The following PCDH9 variants were observed in gnomAD, a reference collection of about 807,000 sequenced individuals.
PCDH9 encodes the protein protocadherin 9.
A neutral mutation model predicts 70.6 loss-of-function variants in PCDH9; 24 were observed. The ratio of observed to expected loss-of-function variants is 0.34; its 90% confidence interval spans 0.25 to 0.48. The LOEUF (loss-of-function observed/expected upper bound fraction) is 0.48, where lower values mean the gene tolerates loss of function less well. PCDH9 is among the 20% of genes least tolerant of loss of function. PCDH9 has a pLI of 0.99. For synonymous variants in PCDH9, 562 were observed against 558.5 expected, an observed-to-expected ratio of 1.01 and a Z score of -0.09; for missense variants, 1,281 against 1,503.6, an observed-to-expected ratio of 0.85 and a Z score of 2.45.
At chr13:66,932,025 T>C (rs2082819579) in intron 2 of PCDH9, among the ~76,000 whole-genome samples, 1 of 152,082 alleles carries the variant, frequency 6.6e-6, no homozygotes, top group African/African-American at 2.4e-5. Flanking sequence ...ATGAAGTATA[T>C]GGTAGATTAG....
intron 3 of PCDH9, among the ~76,000 whole-genome samples, chr13:66,670,415 A>T (rs1019480168): frequency 7.2e-5 from 11 of 152,314 alleles, no homozygotes; most frequent in African/African-American, 2.6e-4. Flanking sequence ...ATGATGAAAG[A>T]ACGAAAGAAT....
At chr13:66,417,445 G>A (rs1957480164) in intron 4 of PCDH9, among the ~76,000 whole-genome samples, 3 of 152,060 alleles carry the variant, frequency 2.0e-5, no homozygotes, top group South Asian at 4.1e-4. Flanking sequence ...GATTTGGGTT[G>A]GCTCCAAGTC....
At chr13:66,494,046 G>A (rs1566368662) in intron 4 of PCDH9, among the ~76,000 whole-genome samples, 1 of 152,012 alleles carries the variant, frequency 6.6e-6, no homozygotes, top group South Asian at 2.1e-4. Flanking sequence ...ATAACTTTAT[G>A]TTAATTTATC....
chr13:66,659,875 A>G (rs1376580557), intron 3 of PCDH9, among the ~76,000 whole-genome samples: 1 of 152,172 alleles, frequency 6.6e-6, no homozygotes, highest in Non-Finnish European at 1.5e-5. Flanking sequence ...CTAGTGAAGT[A>G]TAACAAGTTA....
At chr13:66,729,929 A>T (rs1406261280) in intron 3 of PCDH9, among the ~76,000 whole-genome samples, 2 of 152,162 alleles carry the variant, frequency 1.3e-5, no homozygotes, top group Non-Finnish European at 1.5e-5. Flanking sequence ...AGAGCAGAAA[A>T]CCTGACATCT....
chr13:67,185,578 A>G (rs1302747546), intron 2 of PCDH9, among the ~76,000 whole-genome samples: 2 of 152,234 alleles, frequency 1.3e-5, no homozygotes, highest in African/African-American at 2.4e-5. Flanking sequence ...TATGATCCAG[A>G]AATAAGTTAA....
chr13:66,775,113 A>G (rs1022319860), intron 3 of PCDH9, among the ~76,000 whole-genome samples: 41 of 152,228 alleles, frequency 2.7e-4, no homozygotes, highest in African/African-American at 9.6e-4. Context: ...ATGAGCTAAC[A>G]CAGTGTTTCT....
chr13:66,445,515 A>G (rs923235897), intron 4 of PCDH9, among the ~76,000 whole-genome samples: 20 of 144,350 alleles, frequency 1.4e-4, no homozygotes, highest in African/African-American at 3.0e-4. Flanking sequence ...ATATACACAC[A>G]TATATAATAT....
chr13:66,589,173 G>A (rs771763701), intron 4 of PCDH9, among the ~76,000 whole-genome samples: 29 of 151,914 alleles, frequency 1.9e-4, no homozygotes, highest in Admixed American at 5.3e-4. Flanking sequence ...AAATGTTTCC[G>A]TACCTACATA....
intron 2 of PCDH9, among the ~76,000 whole-genome samples, chr13:67,159,245 G>C (rs1459631615): frequency 6.6e-6 from 1 of 152,208 alleles, no homozygotes; most frequent in Non-Finnish European, 1.5e-5. Context: ...GTGGGTTCCT[G>C]AGACTCACGG....
At chr13:67,041,239 C>T (rs1193066503) in intron 2 of PCDH9, among the ~76,000 whole-genome samples, 1 of 152,044 alleles carries the variant, frequency 6.6e-6, no homozygotes, top group Non-Finnish European at 1.5e-5. Flanking sequence ...ATTTCATGTG[C>T]TATTTAAATG....
In PCDH9 at chr13:67,227,955, T is replaced by C. The variant is rs746819780; in HGVS notation, c.486A>G (p.Pro162=). Residue 162 remains proline, a synonymous_variant, in exon 2 of 5, where the codon CCA becomes CCG. Coordinates refer to ENST00000377865, the MANE Select transcript of PCDH9 (RefSeq NM_203487.3). The surrounding 1 kb of genome is among the most constrained non-coding windows in gnomAD (Gnocchi z 4.6). ...PENTLINSRF[P]IPSATDPDTG... The stretch of plus-strand genomic sequence containing the variant: ...TGTCAGGATCTGTTGCTGATGGAAT[T>C]GGAAAGCGGCTGTTGATCAAAGTGT... The C allele has an allele frequency of 2.5e-6, 4 of 1,614,154 alleles. No homozygotes were observed. The Admixed American group carries it at 5.0e-5, about 20-fold the overall frequency.
chr13:66,556,612 T>C (rs1006558191), intron 4 of PCDH9, among the ~76,000 whole-genome samples: 6 of 152,190 alleles, frequency 3.9e-5, no homozygotes, highest in Non-Finnish European at 7.3e-5. Context: ...TAAATGGTAT[T>C]GTAATATGCT....
At chr13:66,655,791 AT>A (rs2077920146) in intron 3 of PCDH9, among the ~76,000 whole-genome samples, 1 of 152,172 alleles carries the variant, frequency 6.6e-6, no homozygotes, top group African/African-American at 2.4e-5. Context: ...CCTAAAATGT[AT>A]TTACTCCTAA....
intron 2 of PCDH9, among the ~76,000 whole-genome samples, chr13:67,079,778 C>T (rs2085948278): frequency 6.6e-6 from 1 of 152,078 alleles, no homozygotes; most frequent in African/African-American, 2.4e-5. Context: ...AGACATTTTC[C>T]ATGTATTCTC....
At chr13:66,377,034 C>T (rs960271107) in intron 4 of PCDH9, among the ~76,000 whole-genome samples, 4 of 151,992 alleles carry the variant, frequency 2.6e-5, no homozygotes, top group African/African-American at 9.7e-5. Flanking sequence ...ACCAAGATGC[C>T]CTGCACAGAA....
chr13:66,481,548 T>A (rs969987700), intron 4 of PCDH9, among the ~76,000 whole-genome samples: 3 of 152,198 alleles, frequency 2.0e-5, no homozygotes, highest in Admixed American at 2.0e-4. Context: ...ATAACTTTTA[T>A]AAAATATGCA....
intron 2 of PCDH9, among the ~76,000 whole-genome samples, chr13:66,921,154 G>A (rs930593946): frequency 1.5e-4 from 22 of 151,120 alleles, no homozygotes; most frequent in African/African-American, 2.2e-4. Flanking sequence ...TCTAAGAGCA[G>A]ATAACTGAGT....
intron 3 of PCDH9, among the ~76,000 whole-genome samples, chr13:66,825,934 G>A (rs939838753): frequency 8.6e-5 from 13 of 151,672 alleles, no homozygotes; most frequent in African/African-American, 1.5e-4. Flanking sequence ...CATATTGATC[G>A]CAATCATTTG....
Sources: gnomAD v4.1 joint callset for allele counts (sites outside exome capture counted in the v4.1 genomes callset) on GRCh38, gnomAD v4.1.1 for gene constraint, Gnocchi (gnomAD v3.1) non-coding constraint, MANE v1.5 for transcripts, NCBI Gene and HGNC (gene_info 2026-07-23, HGNC 2026-07-21) for gene names.